ATAD2B: variants seen among roughly 807,000 people sequenced by gnomAD.
ATAD2B encodes the protein ATPase family AAA domain containing 2B.
In ATAD2B, 40 loss-of-function variants were observed where a neutral mutation model predicts 167.6. That is an observed-to-expected ratio of 0.24 (90% CI 0.19 to 0.31). ATAD2B has a LOEUF of 0.31. Ranked by LOEUF, ATAD2B falls within the 10% of genes least tolerant of loss-of-function variation. The pLI, the probability that ATAD2B is intolerant of heterozygous loss-of-function variation, is 1.00. For synonymous variants in ATAD2B, 579 were observed against 596.5 expected, an observed-to-expected ratio of 0.97 and a Z score of 0.43; for missense variants, 1,242 against 1,757.2, an observed-to-expected ratio of 0.71 and a Z score of 5.24.
downstream of ATAD2B, among the ~76,000 whole-genome samples, chr2:23,744,299 GAGA>G (rs1034196079): frequency 2.0e-5 from 3 of 149,276 alleles, no homozygotes; most frequent in East Asian, 1.9e-4. Context: ...TTTTTTTTTG[GAGA>G]AGGAGGGTTC....
intron 18 of ATAD2B, among the ~76,000 whole-genome samples, chr2:23,805,368 T>TC (rs1286234163): frequency 2.0e-5 from 3 of 152,198 alleles, no homozygotes; most frequent in Non-Finnish European, 4.4e-5. Context: ...CTTGCTTTTT[T>TC]CACTAATGTC....
At chr2:23,685,836 G>C in the ATAD2B span, among the ~76,000 whole-genome samples, 360 of 152,346 alleles carry the variant, frequency 2.4e-3, no homozygotes, top group Middle Eastern at 0.01. Flanking sequence ...CTGGACAGCA[G>C]GGGCCCGCAT....
chr2:23,718,856 T>A, the ATAD2B span, among the ~76,000 whole-genome samples: 3 of 152,164 alleles, frequency 2.0e-5, no homozygotes, highest in African/African-American at 7.2e-5. Flanking sequence ...TCAGATCACA[T>A]CACGCCAACC....
At chr2:23,715,872 A>G in the ATAD2B span, among the ~76,000 whole-genome samples, 1 of 152,208 alleles carries the variant, frequency 6.6e-6, no homozygotes, top group African/African-American at 2.4e-5. Context: ...ATGATAAACT[A>G]CAGAGCTGAC....
intron 12 of ATAD2B, 144 bp downstream of exon 12, chr2:23,863,237 A>C (rs1440734903): frequency 8.3e-6 from 6 of 724,424 alleles, no homozygotes; most frequent in Non-Finnish European, 1.3e-5. Flanking sequence ...AGAGCCCTGG[A>C]TGTCAAGACA....
the ATAD2B span, among the ~76,000 whole-genome samples, chr2:23,739,173 T>A: frequency 6.6e-6 from 1 of 152,120 alleles, no homozygotes; most frequent in Non-Finnish European, 1.5e-5. Context: ...TACCCAGGAA[T>A]TGAACTCAGC....
chr2:23,926,647 G>C lies in ATAD2B; in HGVS notation c.124C>G (p.Arg42Gly). Residue 42 changes from arginine to glycine, a missense_variant, in exon 1 of 28, where the codon CGG becomes GGG. Transcript: ENST00000238789. ...TGGSSHFISS[R>G]TRSSKTRAAS... is the part of the protein sequence containing the mutation. Reference sequence around the variant, plus strand: ...GCGCGGGTCTTGGAGGAGCGGGTCCGAGAGGAGATGAAATGGCTGCTGCCT... The same window carrying C: ...GCGCGGGTCTTGGAGGAGCGGGTCCCAGAGGAGATGAAATGGCTGCTGCCT... 1 of 1,563,350 alleles carries C rather than the reference G, an allele frequency of 6.4e-7. No individual in the cohort carries two copies. Among genetic ancestry groups the C allele is most frequent in the Non-Finnish European group, 8.7e-7 (1 of 1,154,818 alleles).
chr2:23,817,411 G>C (rs1686614761), intron 17 of ATAD2B, among the ~76,000 whole-genome samples: 1 of 152,154 alleles, frequency 6.6e-6, no homozygotes. Flanking sequence ...TACCAAGCAA[G>C]TATCTAATTT....
Position 23,757,428 on chromosome 2 carries a change from C to A in ATAD2B, c.4068G>T (p.Leu1356=). Residue 1356 remains leucine (L), a synonymous_variant, in exon 25 of 28, where the codon CTG becomes CTT. Transcript: ENST00000238789. ...GSDVEVKDAE[L]DKEGASKVKK... ...AAATATTAGCTCTACCTTCTTTATC[C>A]AGTTCTGCATCTTTAACCTCCACAT... 6.7e-7 allele frequency: 1 copy of A among 1,487,026 alleles called. No individual in the cohort carries two copies. The highest frequency in any genetic ancestry group is 1.5e-5 in the South Asian group (1 of 67,090). The allele number at this position is 1,487,026 out of a possible 1,614,324, so 92.1% of individuals were successfully genotyped here.
chr2:23,813,069 A>C (rs1685858357), intron 17 of ATAD2B, among the ~76,000 whole-genome samples: 1 of 152,052 alleles, frequency 6.6e-6, no homozygotes, highest in African/African-American at 2.4e-5. Context: ...TTTGACTGCA[A>C]AGCTCAGGTT....
chr2:23,880,562 CAAA>C (rs374010112), intron 7 of ATAD2B, 74 bp downstream of exon 7: 828 of 684,892 alleles, frequency 1.2e-3, no homozygotes, highest in South Asian at 1.8e-3. Flanking sequence ...GACTCTGTCT[CAAA>C]AAAAAAAAAA....
chr2:23,905,891 A>T (rs978252292), intron 1 of ATAD2B, among the ~76,000 whole-genome samples: 1 of 152,220 alleles, frequency 6.6e-6, no homozygotes, highest in Non-Finnish European at 1.5e-5. Flanking sequence ...TTAACTCCTT[A>T]AATTAGCTGG....
chr2:23,876,951 CA>C (rs1354876747), intron 7 of ATAD2B, among the ~76,000 whole-genome samples: 1 of 151,182 alleles, frequency 6.6e-6, no homozygotes, highest in African/African-American at 2.4e-5. Context: ...CCTGTAATCC[CA>C]GCTACTCGGG....
intron 1 of ATAD2B, among the ~76,000 whole-genome samples, chr2:23,920,590 A>G (rs1283584182): frequency 6.6e-6 from 1 of 152,180 alleles, no homozygotes; most frequent in African/African-American, 2.4e-5. Context: ...TTAGGGGGAA[A>G]GTAAAATATA....
At chr2:23,875,512 A>T (rs1696695547) in intron 8 of ATAD2B, among the ~76,000 whole-genome samples, 1 of 2,770 alleles carries the variant, frequency 3.6e-4, no homozygotes, top group Non-Finnish European at 0.015. Flanking sequence ...TCTCAAAAAA[A>T]AAAGTAAAAC....
In ATAD2B at chr2:23,750,736, G is replaced by T. The variant is rs1045626313; in HGVS notation, c.*1310C>A. On this transcript the variant is annotated 3_prime_UTR_variant, in exon 28 of 28. Transcript: ENST00000238789. ...AAGTCACTGCATCCTTTGCCTCATT[G>T]CAACTGCCTAGACTGTGTCTCCAAA... is the stretch of plus-strand genomic sequence containing the variant. The T allele has an allele frequency of 3.3e-5, 5 of 152,118 alleles. No homozygotes were observed. The highest frequency in any genetic ancestry group is 5.9e-5 in the Non-Finnish European group (4 of 68,002). The allele number at this position is 152,118 out of a possible 1,614,324, so 9.4% of individuals were successfully genotyped here.
chr2:23,898,770 A>C (rs1700429804), intron 1 of ATAD2B, among the ~76,000 whole-genome samples: 1 of 152,230 alleles, frequency 6.6e-6, no homozygotes, highest in African/African-American at 2.4e-5. Context: ...TGAGAGGTCA[A>C]GGCAGGACGA....
chr2:23,819,012 C>T (rs914842316), intron 17 of ATAD2B, among the ~76,000 whole-genome samples: 2 of 152,124 alleles, frequency 1.3e-5, no homozygotes, highest in African/African-American at 4.8e-5. Flanking sequence ...ATCTCTTTAG[C>T]AGCCTTAGAG....
the ATAD2B span, among the ~76,000 whole-genome samples, chr2:23,732,186 C>G: frequency 2.0e-5 from 3 of 152,028 alleles, no homozygotes; most frequent in Non-Finnish European, 4.4e-5. Flanking sequence ...ATAGCCTCAC[C>G]ATAGGGATTC....
Sources: allele counts gnomAD v4.1 joint callset (sites outside exome capture counted in the v4.1 genomes callset), GRCh38; gene constraint gnomAD v4.1.1; transcripts MANE v1.5; gene names NCBI Gene and HGNC (gene_info 2026-07-23, HGNC 2026-07-21).